The following LOXHD1 variants were observed in gnomAD, a reference collection of about 807,000 sequenced individuals.
The protein encoded by LOXHD1 is lipoxygenase homology PLAT domains 1, also known as lipoxygenase homology domain-containing protein 1.
A neutral mutation model predicts 248.2 loss-of-function variants in LOXHD1; 205 were observed. That is an observed-to-expected ratio of 0.83 (90% CI 0.74 to 0.93). The LOEUF (loss-of-function observed/expected upper bound fraction) is 0.93. LOXHD1 is among the 40% of genes least tolerant of loss of function. The probability of loss-of-function intolerance (pLI) is 0.00; values close to 1 mark genes in which losing one functional copy is unlikely to be tolerated. For synonymous variants in LOXHD1, 1,113 were observed against 1,162.8 expected (o/e 0.96, Z 0.87); for missense variants, 2,930 against 2,971.6 (o/e 0.99, Z 0.33).
At chr18:46,496,652 A>G (rs2033888636) in intron 37 of LOXHD1, among the ~76,000 whole-genome samples, 1 of 152,228 alleles carries the variant, frequency 6.6e-6, no homozygotes, top group Admixed American at 6.5e-5. Context: ...TGGACACAAA[A>G]CCTGGACTTC....
intron 37 of LOXHD1, among the ~76,000 whole-genome samples, chr18:46,491,311 AACCTGGGCCTGTATCACTATC>A (rs557313509): frequency 6.6e-6 from 1 of 152,338 alleles, no homozygotes; most frequent in East Asian, 1.9e-4. Context: ...CAAGGCTGAG[AACCTGGGCCTGTATCACTATC>A]ACCTGGAGGG....
At chr18:46,610,704 T>C (rs1257243519) in intron 6 of LOXHD1, 72 bp downstream of exon 6, 4 of 1,466,530 alleles carry the variant, frequency 2.7e-6, no homozygotes, top group East Asian at 2.5e-5. Context: ...GGGACTGAGA[T>C]ACAACCCTCT....
chr18:46,496,936 G>T (rs1034705024), intron 37 of LOXHD1, among the ~76,000 whole-genome samples: 13 of 152,252 alleles, frequency 8.5e-5, no homozygotes, highest in African/African-American at 3.1e-4. Context: ...CTGGGAGGCA[G>T]AGGTTGCAGT....
chr18:46,561,366 C>T (rs1488565922), intron 18 of LOXHD1, among the ~76,000 whole-genome samples: 2 of 152,190 alleles, frequency 1.3e-5, no homozygotes, highest in Non-Finnish European at 2.9e-5. Flanking sequence ...ATGGCATCAT[C>T]GACTCTAGAT....
intron 34 of LOXHD1, 81 bp downstream of exon 34, chr18:46,518,044 GAATC>G (rs1393590640): frequency 6.6e-7 from 1 of 1,507,706 alleles, no homozygotes; most frequent in Non-Finnish European, 9.0e-7. Flanking sequence ...GGGCATGTGA[GAATC>G]AGCCTGGCTG....
intron 4 of LOXHD1, among the ~76,000 whole-genome samples, chr18:46,626,287 C>A (rs1469320823): frequency 6.6e-6 from 1 of 152,212 alleles, no homozygotes; most frequent in Non-Finnish European, 1.5e-5. Flanking sequence ...CACAGTGACT[C>A]ATGCCTGTAA....
rs1350387562 is a variant in LOXHD1 at position 46,477,917 on chromosome 18, T to C, written c.6377A>G (p.Lys2126Arg). Residue 2126 changes from lysine (K) to arginine (R), a missense_variant, in exon 41 of 41, where the codon AAG (lysine) becomes AGG (arginine). Transcript: ENST00000642948. ...TACCTTGAAGTACTTCCTCTTCCTC[T>C]TGAGGGGGATGAGGCAGTCACAGTT... The part of the protein sequence containing the change: ...FFNCDCLIPL[K>R]RKRKYFKVFE... The C allele has an allele frequency of 1.3e-6, 2 of 1,550,716 alleles. No homozygotes were observed. Among genetic ancestry groups the C allele is most frequent in the Non-Finnish European group, 1.7e-6 (2 of 1,146,120 alleles).
At chr18:46,578,542 C>T (rs2037902432) in intron 13 of LOXHD1, among the ~76,000 whole-genome samples, 3 of 55,906 alleles carry the variant, frequency 5.4e-5, no homozygotes, top group Admixed American at 2.6e-4. Context: ...ACATCCTGCT[C>T]AGATTATTTT....
chr18:46,477,213 GGT>G, downstream of LOXHD1: 1 of 725,338 alleles, frequency 1.4e-6, no homozygotes, highest in Non-Finnish European at 2.6e-6. Flanking sequence ...GTCCCAGCCT[GGT>G]CACTACTGTT....
chr18:46,509,471 G>A (rs920331354), intron 35 of LOXHD1: 1 of 577,580 alleles, frequency 1.7e-6, no homozygotes, highest in Non-Finnish European at 3.2e-6. Flanking sequence ...GACAGCTCTT[G>A]TTTAATTACC....
At chr18:46,615,023 G>C (rs994631124) in intron 5 of LOXHD1, among the ~76,000 whole-genome samples, 4 of 152,134 alleles carry the variant, frequency 2.6e-5, no homozygotes, top group African/African-American at 9.7e-5. Context: ...TTTGGCTATA[G>C]TATGTTCTTA....
In LOXHD1 at chr18:46,522,115, T is replaced by TGA; in HGVS notation, c.5069_5070dup (p.Ile1691SerfsTer5). 6.5e-7 allele frequency: 1 copy of TGA among 1,550,120 alleles called. No homozygotes were observed. The highest frequency in any genetic ancestry group is 8.7e-7 in the Non-Finnish European group (1 of 1,146,182). ...GAAGCCAGCACCTCTATTTTCTTGA[T>TGA]GATGCCCACATCCAAGCCTGCGACG... On this transcript the variant is annotated frameshift_variant, in exon 32 of 41. Transcript: ENST00000642948. LOFTEE classifies it high-confidence loss of function.
chr18:46,585,284 G>A (rs550928270), intron 12 of LOXHD1, among the ~76,000 whole-genome samples: 3 of 152,168 alleles, frequency 2.0e-5, no homozygotes, highest in Admixed American at 1.3e-4. Flanking sequence ...ACATAACTAT[G>A]TATTTATAAA....
At chr18:46,648,086 G>A (rs973759210) in intron 2 of LOXHD1, among the ~76,000 whole-genome samples, 8 of 152,024 alleles carry the variant, frequency 5.3e-5, no homozygotes, top group Non-Finnish European at 8.8e-5. Flanking sequence ...GTGAAACCCC[G>A]TTTCTATTAA....
chr18:46,591,861 T>C (rs2144230784), intron 12 of LOXHD1, 72 bp downstream of exon 12: 3 of 1,526,506 alleles, frequency 2.0e-6, no homozygotes, highest in Non-Finnish European at 1.8e-6. Flanking sequence ...TCTCAGCTCA[T>C]AGGTCAGGCC....
intron 40 of LOXHD1, 23 bp downstream of exon 40, chr18:46,483,564 T>C (rs1437366756): frequency 6.4e-7 from 1 of 1,551,424 alleles, no homozygotes; most frequent in Non-Finnish European, 8.7e-7. Flanking sequence ...TGGCACTTCC[T>C]TGGGGAGAGG....
At chr18:46,484,762 G>A (rs542075923) in intron 39 of LOXHD1, among the ~76,000 whole-genome samples, 1 of 152,224 alleles carries the variant, frequency 6.6e-6, no homozygotes, top group East Asian at 1.9e-4. Flanking sequence ...ACGTAGATGT[G>A]GGGCAATGTT....
At chr18:46,554,985 G>T in intron 21 of LOXHD1, 1 of 325,792 alleles carries the variant, frequency 3.1e-6, no homozygotes, top group Non-Finnish European at 6.3e-6. Context: ...TTTGAAAAAG[G>T]CAAGAATAGC....
In LOXHD1 at chr18:46,557,442, C is replaced by G; in HGVS notation, c.3264G>C (p.Lys1088Asn). Residue 1088 changes from lysine (K) to asparagine (N), a missense_variant, in exon 21 of 41, where the codon AAG becomes AAC. Lys to Asn is a moderately conservative substitution (Grantham distance 94). Coordinates refer to ENST00000642948, the MANE Select transcript of LOXHD1 (RefSeq NM_001384474.1). The part of the protein sequence containing the change: ...IYAIDLGALT[K>N]IRIRHDNTGN... ...CTGTGTTGTCGTGGCGAATCCGAAT[C>G]TTGGTCAGGGCCCCCAGGTCAATGG... is the stretch of plus-strand genomic sequence containing the variant. 1.3e-6 allele frequency: 2 copies of G among 1,552,184 alleles called. No homozygotes were observed. The highest frequency in any genetic ancestry group is 1.7e-6 in the Non-Finnish European group (2 of 1,147,102).
Sources: gnomAD v4.1 joint callset for allele counts (sites outside exome capture counted in the v4.1 genomes callset) on GRCh38, gnomAD v4.1.1 for gene constraint, MANE v1.5 for transcripts, NCBI Gene and HGNC (gene_info 2026-07-23, HGNC 2026-07-21) for gene names.